The following LLPH variants were observed in gnomAD, a reference collection of about 807,000 sequenced individuals.
The protein encoded by LLPH is protein LLP homolog.
Under a neutral mutation model 13.3 loss-of-function variants are expected in LLPH, and 5 were observed. The ratio of observed to expected loss-of-function variants is 0.38; its 90% CI spans 0.20 to 0.79. LLPH has a LOEUF of 0.79. Among genes scored for constraint, LLPH ranks in the 30% least tolerant of loss-of-function variants. LLPH has a pLI of 0.45. For synonymous variants in LLPH, 32 were observed against 44.2 expected, an observed-to-expected ratio of 0.72 and a Z score of 1.09; for missense variants, 129 against 152.1, an observed-to-expected ratio of 0.85 and a Z score of 0.80.
At chr12:66,130,349 G>C (rs1024534829) in intron 1 of LLPH, 1 of 152,174 alleles carries the variant, frequency 6.6e-6, no homozygotes, top group Non-Finnish European at 1.5e-5. Flanking sequence ...CATACTTGTT[G>C]AACGAACCAC....
intron 1 of LLPH, among the ~76,000 whole-genome samples, chr12:66,129,365 T>C (rs979017874): frequency 1.3e-5 from 2 of 151,830 alleles, no homozygotes; most frequent in Non-Finnish European, 2.9e-5. Flanking sequence ...AAACCAATTC[T>C]GAAAGCACCT....
intron 1 of LLPH, 160 bp downstream of exon 1, chr12:66,130,545 C>T (rs1280017271): frequency 6.6e-6 from 1 of 152,194 alleles, no homozygotes; most frequent in Non-Finnish European, 1.5e-5. Flanking sequence ...GGGCCCCCAC[C>T]AAAAAGAGCA....
chr12:66,126,496 G>A (rs555958757), intron 2 of LLPH, among the ~76,000 whole-genome samples: 1 of 152,222 alleles, frequency 6.6e-6, no homozygotes, highest in South Asian at 2.1e-4. Flanking sequence ...AAGAGTGGAT[G>A]TGGGCATCTG....
At chr12:66,124,639 G>C (rs897340602) in intron 2 of LLPH, among the ~76,000 whole-genome samples, 1 of 152,162 alleles carries the variant, frequency 6.6e-6, no homozygotes, top group Non-Finnish European at 1.5e-5. Flanking sequence ...CATGCTCAGA[G>C]TCCCTCACTG....
rs1025249642 is a variant in LLPH at position 66,117,658 on chromosome 12, T to C, written c.*6182A>G. 4 of 152,176 alleles carry C rather than the reference T, an allele frequency of 2.6e-5. No homozygotes were observed. The highest frequency in any genetic ancestry group is 9.7e-5 in the African/African-American group (4 of 41,434). The allele number at this position is 152,176 out of a possible 1,614,324, so 9.4% of individuals were successfully genotyped here. ...TTGACTGTGAACAGCCTCAGGCAGGTCCTCCAGAAGGTATTGCACAAGAAG... is the reference window on the plus strand; with the variant it reads ...TTGACTGTGAACAGCCTCAGGCAGGCCCTCCAGAAGGTATTGCACAAGAAG... On this transcript the variant is annotated 3_prime_UTR_variant, in exon 3 of 3. Transcript: ENST00000266604.
At chr12:66,125,830 T>A (rs951054574) in intron 2 of LLPH, among the ~76,000 whole-genome samples, 2 of 151,624 alleles carry the variant, frequency 1.3e-5, no homozygotes, top group Admixed American at 6.6e-5. Context: ...GCTTCTAATA[T>A]GAAAGAAAGA....
Position 66,122,776 on chromosome 12 carries a change from C to T in LLPH, c.*1064G>A, listed in dbSNP as rs1348562371. The T allele has an allele frequency of 2.0e-5, 3 of 150,306 alleles. No individual in the cohort carries two copies. Among genetic ancestry groups the T allele is most frequent in the South Asian group, 2.1e-4 (1 of 4,732 alleles). The allele number at this position is 150,306 out of a possible 1,614,324, so 9.3% of individuals were successfully genotyped here. On this transcript the variant is annotated 3_prime_UTR_variant, in exon 3 of 3. Coordinates refer to ENST00000266604, the MANE Select transcript of LLPH (RefSeq NM_032338.4). ...GTAGCATTTCCCAAATCGATGTGAACACAATTTATTTTTTTTAACCAAGCA... is the reference window on the plus strand; with the variant it reads ...GTAGCATTTCCCAAATCGATGTGAATACAATTTATTTTTTTTAACCAAGCA...
At position 66,120,033 on chromosome 12, in the gene LLPH, T is replaced by A. The variant is rs1319233111; in HGVS notation, c.*3807A>T. ...GTCAAAACCACTACTTGATTCTACC[T>A]TAGAGCTTCAACTGCAGTTTGCATT... is the stretch of plus-strand genomic sequence containing the variant. On this transcript the variant is annotated 3_prime_UTR_variant, in exon 3 of 3. Coordinates refer to ENST00000266604, the MANE Select transcript of LLPH (RefSeq NM_032338.4). 1 of 152,260 alleles carries A rather than the reference T, an allele frequency of 6.6e-6. No individual in the cohort carries two copies. Among genetic ancestry groups the A allele is most frequent in the African/African-American group, 2.4e-5 (1 of 41,466 alleles). The allele number at this position is 152,260 out of a possible 1,614,324, so 9.4% of individuals were successfully genotyped here.
intron 1 of LLPH, among the ~76,000 whole-genome samples, chr12:66,129,883 C>T (rs772587084): frequency 4.6e-5 from 7 of 152,140 alleles, no homozygotes; most frequent in African/African-American, 7.2e-5. Context: ...CTCAGTTCCG[C>T]CCTAAATCCT....
chr12:66,124,512 G>A (rs542390605), intron 2 of LLPH, among the ~76,000 whole-genome samples: 1 of 152,288 alleles, frequency 6.6e-6, no homozygotes, highest in South Asian at 2.1e-4. Context: ...CCTGGGGCTG[G>A]CATACTTTTC....
At position 66,120,393 on chromosome 12, in the gene LLPH, A is replaced by G. The variant is rs138257582; in HGVS notation, c.*3447T>C. On this transcript the variant is annotated 3_prime_UTR_variant, in exon 3 of 3. Transcript: ENST00000266604. ...CTAGAGCCACACTGCCTAAATTTGA[A>G]TCCCAGATTTCAGTTTTAGTTGTAT... 84 of 152,268 alleles carry G rather than the reference A, an allele frequency of 5.5e-4. No homozygotes were observed. Among genetic ancestry groups the G allele is most frequent in the African/African-American group, 1.8e-3 (75 of 41,540 alleles). 9.4% of individuals were successfully genotyped at this position (152,268 alleles called of 1,614,324 possible). A position where few individuals can be genotyped will look rare whatever the true frequency, so the allele number is the denominator to read the frequency against.
rs1162568563 is a variant in LLPH, at chr12:66,122,838, G to A, written c.*1002C>T. 6.6e-6 allele frequency: 1 copy of A among 152,020 alleles called. No homozygotes were observed. Among genetic ancestry groups the A allele is most frequent in the Non-Finnish European group, 1.5e-5 (1 of 68,018 alleles). The allele number at this position is 152,020 out of a possible 1,614,324, so 9.4% of individuals were successfully genotyped here. On this transcript the variant is annotated 3_prime_UTR_variant, in exon 3 of 3. Coordinates refer to ENST00000266604, the MANE Select transcript of LLPH (RefSeq NM_032338.4). Reference sequence around the variant, plus strand: ...CTGATACTGAAGAACACACTCCGGGGAATGCTGCATGATACTATATTAGGC... The same window carrying A: ...CTGATACTGAAGAACACACTCCGGGAAATGCTGCATGATACTATATTAGGC...
chr12:66,127,511 A>C (rs549757348), intron 2 of LLPH, among the ~76,000 whole-genome samples: 1 of 132,710 alleles, frequency 7.5e-6, no homozygotes, highest in African/African-American at 2.5e-5. Context: ...GGCTGGGGGT[A>C]GGAGGAGGAG....
intron 2 of LLPH, among the ~76,000 whole-genome samples, chr12:66,127,661 G>A (rs2051505875): frequency 6.6e-6 from 1 of 152,164 alleles, no homozygotes; most frequent in South Asian, 2.1e-4. Context: ...TATGTTATGT[G>A]GATTTTGCCT....
Position 66,121,195 on chromosome 12 carries a change from T to C in LLPH, c.*2645A>G, listed in dbSNP as rs534545234. On this transcript the variant is annotated 3_prime_UTR_variant, in exon 3 of 3. Transcript: ENST00000266604. ...TAGAGGTTATCAGCCACAGAAAACATGAACATAACCCTGGCATTGGTCTCT... is the reference window on the plus strand; with the variant it reads ...TAGAGGTTATCAGCCACAGAAAACACGAACATAACCCTGGCATTGGTCTCT... 5 of 151,804 alleles carry C rather than the reference T, an allele frequency of 3.3e-5. No individual in the cohort carries two copies. The highest frequency in any genetic ancestry group is 2.6e-4 in the Admixed American group (4 of 15,268). 9.4% of individuals were successfully genotyped at this position (151,804 alleles called of 1,614,324 possible).
chr12:66,125,340 T>C (rs1391354974), intron 2 of LLPH, among the ~76,000 whole-genome samples: 1 of 152,146 alleles, frequency 6.6e-6, no homozygotes, highest in Non-Finnish European at 1.5e-5. Context: ...TCAGTAAGAC[T>C]TGCTAATGGT....
At chr12:66,124,076 A>G in intron 2 of LLPH, 58 bp from the exon 3 acceptor site, 1 of 1,176,430 alleles carries the variant, frequency 8.5e-7, no homozygotes, top group Non-Finnish European at 1.2e-6. Context: ...CACCCTGTGA[A>G]AGCATATTAA....
Position 66,122,844 on chromosome 12 carries a change from T to A in LLPH, c.*996A>T, listed in dbSNP as rs2051472076. The A allele has an allele frequency of 6.6e-6, 1 of 152,200 alleles. No individual in the cohort carries two copies. The allele number at this position is 152,200 out of a possible 1,614,324, so 9.4% of individuals were successfully genotyped here. A position where few individuals can be genotyped will look rare whatever the true frequency, so the allele number is the denominator to read the frequency against. ...CTGAAGAACACACTCCGGGGAATGC[T>A]GCATGATACTATATTAGGCCACACA... On this transcript the variant is annotated 3_prime_UTR_variant, in exon 3 of 3. Coordinates refer to ENST00000266604, the MANE Select transcript of LLPH (RefSeq NM_032338.4).
At chr12:66,130,426 G>A (rs138002176) in intron 1 of LLPH, 1 of 152,326 alleles carries the variant, frequency 6.6e-6, no homozygotes, top group East Asian at 1.9e-4. Flanking sequence ...CAACCCTTGC[G>A]AGGGGCTAGG....
Sources: allele counts gnomAD v4.1 joint callset (sites outside exome capture counted in the v4.1 genomes callset), GRCh38; gene constraint gnomAD v4.1.1; transcripts MANE v1.5; gene names NCBI Gene and HGNC (gene_info 2026-07-23, HGNC 2026-07-21).